Variants in CHSY3 observed in about 807,000 individuals in gnomAD.
CHSY3 encodes N-acetylgalactosaminyl-proteoglycan 3-beta-glucuronosyltransferase 3.
In CHSY3, 35 loss-of-function variants were observed where a neutral mutation model predicts 67.2. The ratio of observed to expected loss-of-function variants is 0.52; its 90% CI spans 0.40 to 0.69. The LOEUF (loss-of-function observed/expected upper bound fraction) is 0.69. CHSY3 is among the 30% of genes least tolerant of loss of function. The pLI, the probability that CHSY3 is intolerant of heterozygous loss-of-function variation, is 0.00. For missense variants in CHSY3, 1,069 were observed against 1,138.5 expected, an observed-to-expected ratio of 0.94 and a Z score of 0.88; for synonymous variants, 474 against 434.7, an observed-to-expected ratio of 1.09 and a Z score of -1.12.
chr5:130,034,425 T>C (rs2149661818), intron 2 of CHSY3, among the ~76,000 whole-genome samples: 1 of 152,272 alleles, frequency 6.6e-6, no homozygotes, highest in South Asian at 2.1e-4. Context: ...ATAGAAATCT[T>C]AGCGCTGCCA....
At chr5:129,916,112 G>A (rs991872093) in intron 2 of CHSY3, among the ~76,000 whole-genome samples, 1 of 152,252 alleles carries the variant, frequency 6.6e-6, no homozygotes, top group Admixed American at 6.5e-5. Context: ...GCTTGATTTT[G>A]TTTTAAAATA....
At chr5:130,116,736 G>A (rs774334609) in intron 2 of CHSY3, among the ~76,000 whole-genome samples, 6 of 152,184 alleles carry the variant, frequency 3.9e-5, no homozygotes, top group Non-Finnish European at 8.8e-5. Flanking sequence ...CGGACCTGAA[G>A]GCAGTATCAG....
intron 2 of CHSY3, among the ~76,000 whole-genome samples, chr5:130,100,664 G>A (rs1175102342): frequency 6.6e-6 from 1 of 152,114 alleles, no homozygotes; most frequent in African/African-American, 2.4e-5. Context: ...CCAATTAATA[G>A]GGTAAGAGCT....
At chr5:130,054,855 G>A (rs1486048149) in intron 2 of CHSY3, among the ~76,000 whole-genome samples, 2 of 152,188 alleles carry the variant, frequency 1.3e-5, no homozygotes, top group East Asian at 1.9e-4. Flanking sequence ...GAGTTGGAGT[G>A]TACTAGTAGT....
At chr5:130,030,177 A>G (rs1256503595) in intron 2 of CHSY3, among the ~76,000 whole-genome samples, 1 of 152,114 alleles carries the variant, frequency 6.6e-6, no homozygotes, top group Non-Finnish European at 1.5e-5. Context: ...TATCTCACCT[A>G]AAATATCTTT....
chr5:130,001,493 A>G, intron 2 of CHSY3: 1 of 958,084 alleles, frequency 1.0e-6, no homozygotes, highest in Non-Finnish European at 1.2e-6. Context: ...AGAGACTGGT[A>G]CCAAGATCTA....
chr5:129,992,673 T>G (rs1288665594), intron 2 of CHSY3, among the ~76,000 whole-genome samples: 1 of 152,192 alleles, frequency 6.6e-6, no homozygotes, highest in Admixed American at 6.6e-5. Flanking sequence ...TTACCAGTAG[T>G]CCTGTCCCAT....
intron 2 of CHSY3, among the ~76,000 whole-genome samples, chr5:129,993,042 T>G (rs569591284): frequency 1.5e-4 from 23 of 152,176 alleles, no homozygotes; most frequent in Non-Finnish European, 2.8e-4. Flanking sequence ...AAAACACTGT[T>G]GCAAATGCTT....
chr5:129,980,999 G>T (rs1052897847), intron 2 of CHSY3, among the ~76,000 whole-genome samples: 8 of 148,026 alleles, frequency 5.4e-5, no homozygotes, highest in African/African-American at 2.0e-4. Flanking sequence ...GAGGTAAGGA[G>T]ATCGAGACCA....
intron 2 of CHSY3, among the ~76,000 whole-genome samples, chr5:129,926,090 T>G (rs1761100102): frequency 6.6e-6 from 1 of 152,056 alleles, no homozygotes; most frequent in Non-Finnish European, 1.5e-5. Flanking sequence ...TGCAATATAT[T>G]CTGTCATTGA....
At chr5:130,025,742 A>T (rs1381703679) in intron 2 of CHSY3, among the ~76,000 whole-genome samples, 1 of 151,946 alleles carries the variant, frequency 6.6e-6, no homozygotes, top group African/African-American at 2.4e-5. Flanking sequence ...TGTCTTGATA[A>T]ATGTACTAAC....
intron 2 of CHSY3, among the ~76,000 whole-genome samples, chr5:130,183,164 G>A (rs968990488): frequency 6.6e-6 from 1 of 151,894 alleles, no homozygotes; most frequent in Non-Finnish European, 1.5e-5. Flanking sequence ...TCTCGAGTGG[G>A]TATAATGGAG....
chr5:130,148,606 T>C (rs1439306410), intron 2 of CHSY3, among the ~76,000 whole-genome samples: 1 of 152,224 alleles, frequency 6.6e-6, no homozygotes, highest in Admixed American at 6.5e-5. Context: ...TATGAGATGG[T>C]ATCTCCTTGT....
At chr5:130,151,894 A>G (rs1769241718) in intron 2 of CHSY3, among the ~76,000 whole-genome samples, 1 of 152,224 alleles carries the variant, frequency 6.6e-6, no homozygotes, top group Admixed American at 6.5e-5. Context: ...TGAACAAAAC[A>G]GGCAAAATTC....
chr5:130,033,939 A>G (rs1764774481), intron 2 of CHSY3, among the ~76,000 whole-genome samples: 1 of 152,216 alleles, frequency 6.6e-6, no homozygotes, highest in Admixed American at 6.5e-5. Context: ...GTAGTTTTAA[A>G]TTGGAAAATC....
At chr5:130,138,958 G>A (rs934836021) in intron 2 of CHSY3, among the ~76,000 whole-genome samples, 2 of 152,108 alleles carry the variant, frequency 1.3e-5, no homozygotes, top group Non-Finnish European at 1.5e-5. Flanking sequence ...ATCATAGAGT[G>A]TATTTATGCA....
At chr5:130,104,247 A>T (rs929799933) in intron 2 of CHSY3, among the ~76,000 whole-genome samples, 1 of 152,012 alleles carries the variant, frequency 6.6e-6, no homozygotes. Context: ...AATTTCTCAG[A>T]GGATTAAAAT....
intron 2 of CHSY3, among the ~76,000 whole-genome samples, chr5:130,125,889 A>G (rs977679981): frequency 6.6e-6 from 1 of 152,174 alleles, no homozygotes; most frequent in Non-Finnish European, 1.5e-5. Flanking sequence ...CAGGAGTGCC[A>G]TCCTTTCCAC....
chr5:129,998,143 C>T (rs1417064356), intron 2 of CHSY3, among the ~76,000 whole-genome samples: 4 of 152,146 alleles, frequency 2.6e-5, no homozygotes, highest in Non-Finnish European at 5.9e-5. Flanking sequence ...AAAAGCATTC[C>T]TATTTCTCCA....
Sources: gnomAD v4.1 joint callset for allele counts (sites outside exome capture counted in the v4.1 genomes callset) on GRCh38, gnomAD v4.1.1 for gene constraint, MANE v1.5 for transcripts, NCBI Gene and HGNC (gene_info 2026-07-23, HGNC 2026-07-21) for gene names.